The following TMEM94 variants were observed in gnomAD, a reference collection of about 807,000 sequenced individuals.
TMEM94 encodes transmembrane protein 94.
Under a neutral mutation model 158.6 loss-of-function variants are expected in TMEM94, and 81 were observed. The observed-to-expected ratio is 0.51, with a 90% CI of 0.43 to 0.61. The LOEUF (loss-of-function observed/expected upper bound fraction) is 0.61, where lower values mean the gene tolerates loss of function less well. TMEM94 is among the 20% of genes least tolerant of loss of function. The pLI, the probability that TMEM94 is intolerant of heterozygous loss-of-function variation, is 0.00. For synonymous variants in TMEM94, 751 were observed against 730.7 expected (o/e 1.03, Z -0.45); for missense variants, 1,435 against 1,762.0 (o/e 0.81, Z 3.32).
In TMEM94 at chr17:75,498,067, C is replaced by T. The variant is rs2052905189; in HGVS notation, c.3490-108C>T. On this transcript the variant is annotated intron_variant, in intron 27 of 31. Coordinates refer to ENST00000314256, the MANE Select transcript of TMEM94 (RefSeq NM_014738.6). The surrounding 1 kb of genome is among the most constrained non-coding windows in gnomAD (Gnocchi z 6.7). ...CCTTGCTGGGGCTTGAGCTCCCTAT[C>T]CCCCCAGGCCTGACCATTTACTAAG... 11 of 1,430,776 alleles carry T rather than the reference C, an allele frequency of 7.7e-6. No homozygotes were observed. The highest frequency in any genetic ancestry group is 2.1e-4 in the Middle Eastern group (1 of 4,692). 88.6% of individuals were successfully genotyped at this position (1,430,776 alleles called of 1,614,324 possible).
intron 2 of TMEM94, among the ~76,000 whole-genome samples, chr17:75,477,565 A>G (rs1233156818): frequency 6.6e-6 from 1 of 152,076 alleles, no homozygotes. Flanking sequence ...TCTAATTAGT[A>G]GTTATCTGCT....
intron 1 of TMEM94, chr17:75,457,621 G>T (rs2049934849): frequency 6.6e-6 from 1 of 152,208 alleles, no homozygotes; most frequent in South Asian, 2.1e-4. Context: ...CTATGTGGGT[G>T]TATGCATTGG....
At chr17:75,493,366 C>A in intron 16 of TMEM94, 125 bp from the exon 17 acceptor site, 1 of 996,778 alleles carries the variant, frequency 1.0e-6, no homozygotes, top group South Asian at 1.5e-5. Context: ...TCCGTGAGTC[C>A]CAGGGAGTCT....
Position 75,496,265 on chromosome 17 carries a change from T to C in TMEM94, c.3054-17T>C, listed in dbSNP as rs893195403. The C allele has an allele frequency of 1.1e-5, 18 of 1,613,890 alleles. No homozygotes were observed. Among genetic ancestry groups the C allele is most frequent in the Middle Eastern group, 1.6e-4 (1 of 6,084 alleles). On this transcript the variant is annotated splice_polypyrimidine_tract_variant and intron_variant, in intron 23 of 31. Transcript: ENST00000314256. ...GGGAGATACAGCTGAAGTGTGTGTG[T>C]CCCCCACCCTGAGCAGCATTGCCCT...
At position 75,465,158 on chromosome 17, in the gene TMEM94, G is replaced by A. The variant is rs550411112; in HGVS notation, c.-106-6642G>A. Reference sequence around the variant, plus strand: ...TTTCATTTTAGTCGTTCTAATGGGTGTGTATTGGTCTCTCGTTGTGGTTTT... The same window carrying A: ...TTTCATTTTAGTCGTTCTAATGGGTATGTATTGGTCTCTCGTTGTGGTTTT... On this transcript the variant is annotated intron_variant, in intron 1 of 31. Coordinates refer to ENST00000314256, the MANE Select transcript of TMEM94 (RefSeq NM_014738.6). Among the ~76,000 whole-genome samples, 8 of 152,064 alleles carry A rather than the reference G, an allele frequency of 5.3e-5. No homozygotes were observed. In the East Asian group the frequency reaches 1.5e-3, roughly 29 times the overall value.
At position 75,495,961 on chromosome 17, in the gene TMEM94, C is replaced by G; in HGVS notation, c.2945-5C>G. On this transcript the variant is annotated splice_region_variant and splice_polypyrimidine_tract_variant and intron_variant, in intron 22 of 31. Coordinates refer to ENST00000314256, the MANE Select transcript of TMEM94 (RefSeq NM_014738.6). This position sits in a 1 kb window ranked among gnomAD's most constrained non-coding sequence, Gnocchi z 5.6. ...GACTCTGGTGCCCTTATACGCTGTC[C>G]TCAGCCATGTGTGAGATGATAAAGA... is the stretch of plus-strand genomic sequence containing the variant. The G allele has an allele frequency of 6.2e-7, 1 of 1,609,430 alleles. No homozygotes were observed. Among genetic ancestry groups the G allele is most frequent in the Non-Finnish European group, 8.5e-7 (1 of 1,176,554 alleles).
chr17:75,493,322 A>G (rs1235872402), intron 16 of TMEM94, 169 bp from the exon 17 acceptor site: 2 of 837,624 alleles, frequency 2.4e-6, no homozygotes, highest in East Asian at 2.7e-5. Flanking sequence ...TGGTGTCTGC[A>G]TTCCAAGCCC....
intron 2 of TMEM94, among the ~76,000 whole-genome samples, chr17:75,484,865 C>T (rs547615085): frequency 4.5e-4 from 68 of 152,082 alleles, no homozygotes; most frequent in Admixed American, 2.7e-3. Context: ...GATGAAACCT[C>T]GTCTCCACTA....
Position 75,489,718 on chromosome 17 carries a change from C to G in TMEM94, c.954+56C>G. 2.8e-6 allele frequency: 4 copies of G among 1,439,740 alleles called. No homozygotes were observed. In the South Asian group the frequency reaches 4.6e-5, roughly 17 times the overall value. 89.2% of individuals were successfully genotyped at this position (1,439,740 alleles called of 1,614,324 possible). A position where few individuals can be genotyped will look rare whatever the true frequency, so the allele number is the denominator to read the frequency against. ...TTCCCTCCGACCCGCAGGGCTGGCT[C>G]TTCTCCTAGTACCCTGGCTGTCCCT... On this transcript the variant is annotated intron_variant, in intron 9 of 31. Transcript: ENST00000314256. The surrounding 1 kb of genome is among the most constrained non-coding windows in gnomAD (Gnocchi z 5.0).
At chr17:75,490,566 G>A (rs978468361) in intron 10 of TMEM94, 136 bp from the exon 11 acceptor site, 3 of 891,486 alleles carry the variant, frequency 3.4e-6, no homozygotes, top group Admixed American at 5.0e-5. Flanking sequence ...CACCAGGTGG[G>A]GAGTCAGAAC....
Position 75,491,170 on chromosome 17 carries a change from CG to C in TMEM94, c.1233+21del, listed in dbSNP as rs1567956892. On this transcript the variant is annotated intron_variant, in intron 12 of 31. Transcript: ENST00000314256. This position sits in a 1 kb window ranked among gnomAD's most constrained non-coding sequence, Gnocchi z 5.1. ...TCTGTCACGGTGAGGGTGGGCCTTG[CG>C]GGGAGGAGGCAACTGTCATGCCCGC... is the stretch of plus-strand genomic sequence containing the variant. 6.3e-7 allele frequency: 1 copy of C among 1,598,634 alleles called. No homozygotes were observed. The highest frequency in any genetic ancestry group is 1.7e-5 in the Admixed American group (1 of 59,070).
In TMEM94 at chr17:75,489,746, C is replaced by G. The variant is rs550042258; in HGVS notation, c.954+84C>G. 3.4e-4 allele frequency: 396 copies of G among 1,174,226 alleles called. 5 individuals are homozygous for G. In the South Asian group the frequency reaches 4.8e-3, roughly 14 times the overall value. 72.7% of individuals were successfully genotyped at this position (1,174,226 alleles called of 1,614,324 possible). ...CTCCTAGTACCCTGGCTGTCCCTCC[C>G]TCTCTGCAGCCCAGAGGTCCCCTCA... On this transcript the variant is annotated intron_variant, in intron 9 of 31. Transcript: ENST00000314256. This position sits in a 1 kb window ranked among gnomAD's most constrained non-coding sequence, Gnocchi z 5.0.
intron 26 of TMEM94, 47 bp downstream of exon 26, chr17:75,497,245 T>C (rs1252474671): frequency 2.1e-5 from 31 of 1,497,956 alleles, no homozygotes; most frequent in Non-Finnish European, 2.9e-5. Flanking sequence ...AAGCAGGAGG[T>C]GTCTGGATGT....
chr17:75,466,523 T>A (rs529164302), intron 1 of TMEM94, among the ~76,000 whole-genome samples: 1 of 152,272 alleles, frequency 6.6e-6, no homozygotes, highest in South Asian at 2.1e-4. Context: ...TTCATTAACA[T>A]TGTATTGAGA....
At chr17:75,482,275 G>A (rs2051220939) in intron 2 of TMEM94, among the ~76,000 whole-genome samples, 1 of 152,036 alleles carries the variant, frequency 6.6e-6, no homozygotes, top group Admixed American at 6.5e-5. Context: ...GAACCCAGGA[G>A]GCAGAAGTTG....
intron 25 of TMEM94, 115 bp downstream of exon 25, chr17:75,496,922 C>G (rs948187879): frequency 8.2e-7 from 1 of 1,221,110 alleles, no homozygotes; most frequent in Non-Finnish European, 1.2e-6. Context: ...GGGGTCCCCC[C>G]AGAGCCTCTG....
intron 2 of TMEM94, among the ~76,000 whole-genome samples, chr17:75,481,007 G>A (rs1200158671): frequency 6.6e-6 from 1 of 152,248 alleles, no homozygotes; most frequent in Non-Finnish European, 1.5e-5. Context: ...GCAGCCGCCT[G>A]TCTCCTAGAT....
chr17:75,476,277 A>G (rs896121842), intron 2 of TMEM94, among the ~76,000 whole-genome samples: 4 of 152,110 alleles, frequency 2.6e-5, no homozygotes, highest in African/African-American at 7.2e-5. Context: ...CTGTCTGTCC[A>G]TATCCTGGCT....
At chr17:75,458,035 C>A (rs1302729536) in intron 1 of TMEM94, among the ~76,000 whole-genome samples, 1 of 152,140 alleles carries the variant, frequency 6.6e-6, no homozygotes, top group African/African-American at 2.4e-5. Flanking sequence ...GCAGGTAGTT[C>A]TCTGGCAGAC....
Sources: allele counts gnomAD v4.1 joint callset (sites outside exome capture counted in the v4.1 genomes callset), GRCh38; gene constraint gnomAD v4.1.1; non-coding constraint Gnocchi (gnomAD v3.1); transcripts MANE v1.5; gene names NCBI Gene and HGNC (gene_info 2026-07-23, HGNC 2026-07-21).